CDH13: variants seen among roughly 807,000 people sequenced by gnomAD.
The protein encoded by CDH13 is cadherin 13.
In CDH13, 24 loss-of-function variants were observed where a neutral mutation model predicts 63.8. The observed-to-expected ratio is 0.38, with a 90% confidence interval of 0.27 to 0.53. CDH13 has a LOEUF of 0.53. Among genes scored for constraint, CDH13 ranks in the 20% least tolerant of loss-of-function variants. The pLI is 0.85. For synonymous variants in CDH13, 503 were observed against 355.3 expected, an observed-to-expected ratio of 1.42 and a Z score of -4.67; for missense variants, 1,049 against 903.1, an observed-to-expected ratio of 1.16 and a Z score of -2.07.
chr16:83,418,219 T>C (rs1296738231), intron 6 of CDH13, among the ~76,000 whole-genome samples: 1 of 152,202 alleles, frequency 6.6e-6, no homozygotes, highest in Admixed American at 6.5e-5. Context: ...CTCACCTCTC[T>C]TTTTATATGT....
intron 6 of CDH13, among the ~76,000 whole-genome samples, chr16:83,450,865 G>C (rs1480453328): frequency 6.6e-6 from 1 of 152,000 alleles, no homozygotes; most frequent in Non-Finnish European, 1.5e-5. Flanking sequence ...GCAAGACTCT[G>C]TCTCACAGAG....
intron 7 of CDH13, among the ~76,000 whole-genome samples, chr16:83,512,395 G>T (rs1372049802): frequency 6.7e-6 from 1 of 149,848 alleles, no homozygotes; most frequent in Non-Finnish European, 1.5e-5. Context: ...GAAGGGCTGG[G>T]CGTGGTGGCT....
intron 8 of CDH13, among the ~76,000 whole-genome samples, chr16:83,626,272 G>A (rs1285145922): frequency 6.6e-6 from 1 of 152,170 alleles, no homozygotes; most frequent in Non-Finnish European, 1.5e-5. Context: ...CAATGCTAGA[G>A]GCCCCGAGGA....
intron 8 of CDH13, among the ~76,000 whole-genome samples, chr16:83,616,593 C>T (rs1326681141): frequency 6.6e-6 from 1 of 151,986 alleles, no homozygotes; most frequent in Non-Finnish European, 1.5e-5. Context: ...GAGCAACAAC[C>T]ACAAAGCCAT....
At chr16:83,708,417 T>A (rs536505090) in intron 10 of CDH13, among the ~76,000 whole-genome samples, 1 of 152,334 alleles carries the variant, frequency 6.6e-6, no homozygotes, top group South Asian at 2.1e-4. Context: ...GTCCTTTCAC[T>A]TTCTTAACTG....
intron 2 of CDH13, among the ~76,000 whole-genome samples, chr16:82,987,778 C>A (rs549737500): frequency 5.9e-5 from 9 of 152,320 alleles, no homozygotes; most frequent in Admixed American, 3.9e-4. Context: ...TGGCTGCATT[C>A]TTCAGCAAGG....
intron 1 of CDH13, among the ~76,000 whole-genome samples, chr16:82,818,124 G>GTT (rs1257988353): frequency 6.6e-6 from 1 of 151,476 alleles, no homozygotes; most frequent in East Asian, 1.9e-4. Context: ...TTGTGTGTGT[G>GTT]TGTGTGTGTG....
At chr16:83,291,962 C>A (rs2089476650) in intron 5 of CDH13, among the ~76,000 whole-genome samples, 1 of 152,138 alleles carries the variant, frequency 6.6e-6, no homozygotes, top group African/African-American at 2.4e-5. Context: ...TTCATCATGC[C>A]TGCTCCCAAT....
intron 3 of CDH13, among the ~76,000 whole-genome samples, chr16:83,086,918 A>C (rs761370387): frequency 6.6e-6 from 1 of 152,246 alleles, no homozygotes; most frequent in African/African-American, 2.4e-5. Flanking sequence ...TAAAATTATA[A>C]TGGCCAAAAC....
Position 83,059,228 on chromosome 16 carries a change from C to T in CDH13, c.366+27010C>T, listed in dbSNP as rs187115471. Among the ~76,000 whole-genome samples the T allele has an allele frequency of 3.6e-3, 547 of 152,294 alleles. 2 individuals are homozygous for T. The highest frequency in any genetic ancestry group is 0.012 in the African/African-American group (519 of 41,562). ...CCTATGAAATGCTTTTCAGAATTCT[C>T]AGAGTCATCCACCTGAAAAATAGAG... On this transcript the variant is annotated intron_variant, in intron 3 of 13. Transcript: ENST00000567109.
Position 83,647,341 on chromosome 16 carries a change from G to A in CDH13, c.1102-23449G>A, listed in dbSNP as rs566916094. 7.7e-4 allele frequency among the ~76,000 whole-genome samples: 117 copies of A among 151,240 alleles called. 1 individual carries two copies. The highest frequency in any genetic ancestry group is 2.6e-3 in the African/African-American group (109 of 41,248). ...AAAAAAAAAAAAAAAAATTACACTA[G>A]CATCCACTCTTACCCTACCTGTAGG... On this transcript the variant is annotated intron_variant, in intron 8 of 13. Coordinates refer to ENST00000567109, the MANE Select transcript of CDH13 (RefSeq NM_001257.5).
chr16:83,184,147 A>T (rs1356044203), intron 4 of CDH13, among the ~76,000 whole-genome samples: 52 of 75,702 alleles, frequency 6.9e-4, no homozygotes, highest in Admixed American at 5.3e-3. Flanking sequence ...CACAACTAGT[A>T]AAAAAAAAAA....
Position 83,006,042 on chromosome 16 carries a change from A to G in CDH13, c.158-25968A>G, listed in dbSNP as rs995962479. 2.0e-5 allele frequency among the ~76,000 whole-genome samples: 3 copies of G among 152,180 alleles called. No homozygotes were observed. The East Asian group carries it at 5.8e-4, about 29-fold the overall frequency. On this transcript the variant is annotated intron_variant, in intron 2 of 13. Transcript: ENST00000567109. ...GAAATGTACTCAGTTCAGATTCACC[A>G]TTACATTTCATGTCCTTAAGGTTGG...
At chr16:82,764,037 T>C (rs928187262) in intron 1 of CDH13, among the ~76,000 whole-genome samples, 2 of 152,214 alleles carry the variant, frequency 1.3e-5, no homozygotes, top group Non-Finnish European at 2.9e-5. Context: ...CATTCCAAAC[T>C]GCTTGTTTTA....
At chr16:82,699,684 A>T (rs1002997705) in intron 1 of CDH13, among the ~76,000 whole-genome samples, 3 of 152,186 alleles carry the variant, frequency 2.0e-5, no homozygotes, top group Admixed American at 6.5e-5. Context: ...GCATCCTTAC[A>T]CTTAATCCAC....
At chr16:83,210,322 C>T (rs1254296074) in intron 4 of CDH13, among the ~76,000 whole-genome samples, 1 of 151,996 alleles carries the variant, frequency 6.6e-6, no homozygotes, top group Non-Finnish European at 1.5e-5. Context: ...TCCTCAACCT[C>T]CCAAAGTGCT....
chr16:83,447,879 A>T (rs1474679814), intron 6 of CDH13, among the ~76,000 whole-genome samples: 1 of 151,974 alleles, frequency 6.6e-6, no homozygotes, highest in Non-Finnish European at 1.5e-5. Context: ...CTCCCACATC[A>T]AGTAGCCCTT....
chr16:83,588,154 C>G (rs1184168283), intron 7 of CDH13, among the ~76,000 whole-genome samples: 1 of 152,180 alleles, frequency 6.6e-6, no homozygotes, highest in Non-Finnish European at 1.5e-5. Flanking sequence ...GCCACAGCCT[C>G]CCTCTGCATA....
chr16:83,279,719 T>C lies in CDH13; in HGVS notation c.636+62222T>C, dbSNP rs192845076. 2.7e-4 allele frequency among the ~76,000 whole-genome samples: 41 copies of C among 152,220 alleles called. No homozygotes were observed. In the East Asian group the frequency reaches 7.5e-3, roughly 28 times the overall value. On this transcript the variant is annotated intron_variant, in intron 5 of 13. Transcript: ENST00000567109. The stretch of plus-strand genomic sequence containing the variant: ...CACACATTTCTAGATGGATATGAGA[T>C]CTAAAAGTGAGAAGCAAACCATAAA...
Sources: gnomAD v4.1 joint callset for allele counts (sites outside exome capture counted in the v4.1 genomes callset) on GRCh38, gnomAD v4.1.1 for gene constraint, MANE v1.5 for transcripts, NCBI Gene and HGNC (gene_info 2026-07-23, HGNC 2026-07-21) for gene names.